PTPRR: variants seen among roughly 807,000 people sequenced by gnomAD.
PTPRR encodes protein tyrosine phosphatase receptor type R, also known as receptor-type tyrosine-protein phosphatase R.
In PTPRR, 38 loss-of-function variants were observed where a neutral mutation model predicts 77.2. That is an observed-to-expected ratio of 0.49 (90% CI 0.38 to 0.65). The LOEUF (loss-of-function observed/expected upper bound fraction) is 0.65, where lower values mean the gene tolerates loss of function less well. Ranked by LOEUF, PTPRR falls within the 30% of genes least tolerant of loss-of-function variation. The pLI is 0.00. For missense variants in PTPRR, 744 were observed against 799.2 expected, an observed-to-expected ratio of 0.93 and a Z score of 0.83; for synonymous variants, 299 against 283.1, an observed-to-expected ratio of 1.06 and a Z score of -0.57.
intron 1 of PTPRR, among the ~76,000 whole-genome samples, chr12:70,919,933 C>T (rs1449241376): frequency 3.3e-5 from 5 of 151,818 alleles, no homozygotes; most frequent in Non-Finnish European, 7.4e-5. Context: ...GACCAAGAGA[C>T]CTTATGAATG....
intron 2 of PTPRR, among the ~76,000 whole-genome samples, chr12:70,803,034 TG>T (rs1447071606): frequency 1.3e-5 from 2 of 152,210 alleles, no homozygotes; most frequent in African/African-American, 4.8e-5. Flanking sequence ...GAAGCCAATT[TG>T]ATAAGGCTAT....
intron 5 of PTPRR, among the ~76,000 whole-genome samples, chr12:70,751,998 G>A (rs1377494910): frequency 2.6e-5 from 4 of 152,096 alleles, no homozygotes; most frequent in African/African-American, 9.6e-5. Flanking sequence ...CTACCTAATC[G>A]TTCCCTTTCT....
chr12:70,770,591 A>T lies in PTPRR; in HGVS notation c.358-5813T>A, dbSNP rs185495567. On this transcript the variant is annotated intron_variant, in intron 2 of 13. Coordinates refer to ENST00000283228, the MANE Select transcript of PTPRR (RefSeq NM_002849.4). ...TGTAAACTAGTTCAACCATTGTGGAAGTCAGTGATTCCTCAGGGATCTAGA... is the reference window on the plus strand; with the variant it reads ...TGTAAACTAGTTCAACCATTGTGGATGTCAGTGATTCCTCAGGGATCTAGA... 9.0e-3 allele frequency among the ~76,000 whole-genome samples: 1,365 copies of T among 152,242 alleles called. 14 individuals are homozygous for T. Among genetic ancestry groups the T allele is most frequent in the Non-Finnish European group, 0.016 (1,060 of 67,988 alleles).
rs148242646 is a variant in PTPRR at position 70,789,308 on chromosome 12, T to C, written c.358-24530A>G. On this transcript the variant is annotated intron_variant, in intron 2 of 13. Coordinates refer to ENST00000283228, the MANE Select transcript of PTPRR (RefSeq NM_002849.4). Reference sequence around the variant, plus strand: ...ATTAAATACTCATAAGCTAGTTTCATAATAAACATAAATTTCTTTTCAAAG... The same window carrying C: ...ATTAAATACTCATAAGCTAGTTTCACAATAAACATAAATTTCTTTTCAAAG... 2.8e-3 allele frequency among the ~76,000 whole-genome samples: 430 copies of C among 152,192 alleles called. 2 individuals are homozygous for C. The highest frequency in any genetic ancestry group is 7.9e-3 in the African/African-American group (329 of 41,576).
chr12:70,880,639 C>T (rs1374413870), intron 2 of PTPRR, among the ~76,000 whole-genome samples: 1 of 152,052 alleles, frequency 6.6e-6, no homozygotes, highest in Non-Finnish European at 1.5e-5. Flanking sequence ...CCTATTGTAT[C>T]CCTAGAGTCT....
At position 70,700,844 on chromosome 12, in the gene PTPRR, CCAGA is replaced by C. The variant is rs1459162834; in HGVS notation, c.1194+289_1194+292del. On this transcript the variant is annotated intron_variant, in intron 7 of 13. Transcript: ENST00000283228. The stretch of plus-strand genomic sequence containing the variant: ...CAGTTAAACTGAACAGTTTAATTCC[CCAGA>C]CAGTGACAGCAAGGCTATTCTTTGT... Among the ~76,000 whole-genome samples, 5 of 152,268 alleles carry C rather than the reference CCAGA, an allele frequency of 3.3e-5. No individual in the cohort carries two copies. The East Asian group carries it at 9.7e-4, about 29-fold the overall frequency.
intron 6 of PTPRR, among the ~76,000 whole-genome samples, chr12:70,727,109 A>G (rs1235294562): frequency 6.6e-6 from 1 of 152,166 alleles, no homozygotes; most frequent in African/African-American, 2.4e-5. Context: ...ATATTGTCAG[A>G]CTTCGGTATC....
chr12:70,888,637 T>C (rs1291969929), intron 2 of PTPRR, among the ~76,000 whole-genome samples: 1 of 152,138 alleles, frequency 6.6e-6, no homozygotes, highest in Non-Finnish European at 1.5e-5. Context: ...CAGTTTAGTA[T>C]TTTGGACTTG....
At chr12:70,703,899 G>A (rs1888520257) in intron 6 of PTPRR, among the ~76,000 whole-genome samples, 1 of 152,140 alleles carries the variant, frequency 6.6e-6, no homozygotes, top group Non-Finnish European at 1.5e-5. Flanking sequence ...AGTCATTTAA[G>A]TTGGGCTTTG....
intron 1 of PTPRR, among the ~76,000 whole-genome samples, chr12:70,893,719 G>A (rs1465935918): frequency 2.6e-5 from 4 of 151,870 alleles, no homozygotes; most frequent in Admixed American, 6.6e-5. Flanking sequence ...GAGTCTGGTA[G>A]GAGCATGAGG....
At position 70,698,359 on chromosome 12, in the gene PTPRR, T is replaced by C. The variant is rs1197108740; in HGVS notation, c.1195-10A>G. 10 of 1,607,676 alleles carry C rather than the reference T, an allele frequency of 6.2e-6. No individual in the cohort carries two copies. The African/African-American group carries it at 1.1e-4, about 17-fold the overall frequency. ...AGTTCATTGGTATTTCCTGCAAAAA[T>C]AAATAATATCAAATTAGTGTATCTA... is the stretch of plus-strand genomic sequence containing the variant. On this transcript the variant is annotated splice_polypyrimidine_tract_variant and intron_variant, in intron 7 of 13. Transcript: ENST00000283228.
intron 12 of PTPRR, among the ~76,000 whole-genome samples, chr12:70,659,013 C>G (rs540298073): frequency 6.7e-6 from 1 of 149,982 alleles, no homozygotes; most frequent in South Asian, 2.1e-4. Flanking sequence ...AGCGATTCTC[C>G]TGCCTCCGCC....
intron 8 of PTPRR, among the ~76,000 whole-genome samples, chr12:70,692,882 G>A (rs953074724): frequency 2.0e-5 from 3 of 152,214 alleles, no homozygotes; most frequent in Admixed American, 6.5e-5. Flanking sequence ...GGAGTGTGGT[G>A]AGCCCCTAGA....
At chr12:70,695,060 T>A (rs190187390) in intron 8 of PTPRR, among the ~76,000 whole-genome samples, 1 of 152,278 alleles carries the variant, frequency 6.6e-6, no homozygotes, top group East Asian at 1.9e-4. Context: ...AAGATAACAC[T>A]GTCATTAGAG....
chr12:70,809,177 G>T (rs543790963), intron 2 of PTPRR, among the ~76,000 whole-genome samples: 9 of 152,264 alleles, frequency 5.9e-5, no homozygotes, highest in African/African-American at 1.7e-4. Context: ...AAAAAAGACA[G>T]GCAGTAGAAG....
chr12:70,915,807 G>A (rs565389382), intron 1 of PTPRR, among the ~76,000 whole-genome samples: 2 of 152,276 alleles, frequency 1.3e-5, no homozygotes, highest in East Asian at 1.9e-4. Context: ...TGGCTAAGTG[G>A]ACTATGTGTG....
intron 2 of PTPRR, among the ~76,000 whole-genome samples, chr12:70,855,063 C>A (rs1481998341): frequency 6.6e-6 from 1 of 152,094 alleles, no homozygotes; most frequent in Non-Finnish European, 1.5e-5. Context: ...ATTCTAAGTG[C>A]TTTTTAAAGC....
chr12:70,882,521 C>T (rs183054427), intron 2 of PTPRR, among the ~76,000 whole-genome samples: 97 of 152,200 alleles, frequency 6.4e-4, no homozygotes, highest in East Asian at 3.1e-3. Flanking sequence ...GAGGCCAGTC[C>T]GGCAAGACGC....
chr12:70,844,922 C>T (rs1159004484), intron 2 of PTPRR, among the ~76,000 whole-genome samples: 1 of 151,974 alleles, frequency 6.6e-6, no homozygotes, highest in African/African-American at 2.4e-5. Flanking sequence ...ACCAAAACAA[C>T]AATAACAAAA....
Sources: allele counts gnomAD v4.1 joint callset (sites outside exome capture counted in the v4.1 genomes callset), GRCh38; gene constraint gnomAD v4.1.1; transcripts MANE v1.5; gene names NCBI Gene and HGNC (gene_info 2026-07-23, HGNC 2026-07-21).